Variants in RNPEP observed in about 807,000 individuals in gnomAD.
RNPEP encodes the protein arginyl aminopeptidase.
A neutral mutation model predicts 70.1 loss-of-function variants in RNPEP; 57 were observed. The observed-to-expected ratio is 0.81, with a 90% CI of 0.66 to 1.01. The LOEUF is 1.01. Among genes scored for constraint, RNPEP ranks in the 50% least tolerant of loss-of-function variants. The pLI is 0.00. For missense variants in RNPEP, 787 were observed against 852.4 expected, an observed-to-expected ratio of 0.92 and a Z score of 0.96; for synonymous variants, 335 against 357.4, an observed-to-expected ratio of 0.94 and a Z score of 0.71.
chr1:201,994,672 T>C (rs1332801521), intron 3 of RNPEP, among the ~76,000 whole-genome samples: 3 of 151,144 alleles, frequency 2.0e-5, no homozygotes, highest in African/African-American at 7.3e-5. Flanking sequence ...CAGTCTCTTT[T>C]TTTTTTTTTT....
rs1329482150 is a variant in RNPEP, at chr1:201,989,423, G to A, written c.629G>A (p.Trp210Ter). The A allele has an allele frequency of 6.2e-7, 1 of 1,614,196 alleles. No homozygotes were observed. The highest frequency in any genetic ancestry group is 1.7e-5 in the Admixed American group (1 of 60,014). Residue 210 changes from tryptophan to a stop codon, truncating the protein, a stop_gained, in exon 3 of 11, where the codon TGG (tryptophan) becomes TAG (stop). Coordinates refer to ENST00000295640, the MANE Select transcript of RNPEP (RefSeq NM_020216.4). LOFTEE classifies it high-confidence loss of function. ...ACAGCTGTGATGAGTGCTAGCACCT[G>A]GGAGAAGAGAGGTCCAAATAAGTTC... The part of the protein sequence containing the change: ...GFTAVMSAST[W>*]EKRGPNKFFF...
In RNPEP at chr1:201,983,096, G is replaced by C; in HGVS notation, c.430G>C (p.Val144Leu). The C allele has an allele frequency of 3.3e-6, 5 of 1,499,944 alleles. No homozygotes were observed. The highest frequency in any genetic ancestry group is 4.4e-6 in the Non-Finnish European group (5 of 1,133,542). 92.9% of individuals were successfully genotyped at this position (1,499,944 alleles called of 1,614,324 possible). The change falls in exon 1 of 11, where the codon GTC (valine) becomes CTC (leucine). Residue 144 changes from valine (V) to leucine (L), a missense_variant. Val to Leu is a conservative substitution (Grantham distance 32). Coordinates refer to ENST00000295640, the MANE Select transcript of RNPEP (RefSeq NM_020216.4). Reference protein sequence around the residue: ...ERLQVLLTYRVGEGPGVCWLA... With the variant: ...ERLQVLLTYRLGEGPGVCWLA... ...CCTCCAGGTGCTGCTCACCTACCGCGTCGGGGAGGGACCCGGGGTGAGTGC... is the reference window on the plus strand; with the variant it reads ...CCTCCAGGTGCTGCTCACCTACCGCCTCGGGGAGGGACCCGGGGTGAGTGC...
Position 202,004,401 on chromosome 1 carries a change from C to A in RNPEP, c.1699C>A (p.Arg567=). Reference sequence around the variant, plus strand: ...CACATACCCAAGTATCTCAAATGCCCGGAATGCAGAGCTCCGGCTGCGATG... The same window carrying A: ...CACATACCCAAGTATCTCAAATGCCAGGAATGCAGAGCTCCGGCTGCGATG... ...GDTYPSISNA[R]NAELRLRWGQ... Residue 567 remains arginine, a synonymous_variant, in exon 10 of 11, where the codon CGG becomes AGG. Transcript: ENST00000295640. The A allele has an allele frequency of 6.2e-7, 1 of 1,614,112 alleles. No individual in the cohort carries two copies.
intron 3 of RNPEP, among the ~76,000 whole-genome samples, chr1:201,990,190 C>G (rs979345563): frequency 1.3e-5 from 2 of 152,186 alleles, no homozygotes; most frequent in Non-Finnish European, 2.9e-5. Flanking sequence ...AAATGCCCTT[C>G]TAGCAGCTAT....
In RNPEP at chr1:201,989,456, A is replaced by G. The variant is rs772491018; in HGVS notation, c.662A>G (p.Gln221Arg). 1.9e-6 allele frequency: 3 copies of G among 1,614,202 alleles called. No homozygotes were observed. In the South Asian group the frequency reaches 3.3e-5, roughly 18 times the overall value. ...AGAGGTCCAAATAAGTTCTTCTTCC[A>G]GATGTGTCAGCCCATCCCCTCCTAT... ...EKRGPNKFFF[Q>R]MCQPIPSYLI... The change falls in exon 3 of 11, where the codon CAG (glutamine) becomes CGG (arginine). Residue 221 changes from glutamine to arginine, a missense_variant. Gln to Arg is a conservative substitution (Grantham distance 43). Transcript: ENST00000295640.
intron 4 of RNPEP, among the ~76,000 whole-genome samples, chr1:201,996,659 A>T (rs974262804): frequency 1.6e-4 from 25 of 151,892 alleles, no homozygotes; most frequent in Admixed American, 1.4e-3. Context: ...ACACTCAGCT[A>T]ATTTTTGTAT....
chr1:201,982,822 C>G lies in RNPEP; in HGVS notation c.156C>G (p.Pro52=), dbSNP rs1558256647. 2.2e-6 allele frequency: 3 copies of G among 1,333,458 alleles called. No individual in the cohort carries two copies. Among genetic ancestry groups the G allele is most frequent in the East Asian group, 3.1e-5 (1 of 32,192 alleles). The allele number at this position is 1,333,458 out of a possible 1,614,324, so 82.6% of individuals were successfully genotyped here. A position where few individuals can be genotyped will look rare whatever the true frequency, so the allele number is the denominator to read the frequency against. ...DLRAEFGPPG[P]GAGSRGLSGT... ...GGGCTGAGTTCGGGCCTCCAGGGCC[C>G]GGCGCAGGGAGCCGGGGGCTGAGCG... Residue 52 remains proline, a synonymous_variant, in exon 1 of 11, where the codon CCC becomes CCG. Coordinates refer to ENST00000295640, the MANE Select transcript of RNPEP (RefSeq NM_020216.4).
chr1:201,987,611 T>A (rs1362669741), intron 1 of RNPEP, among the ~76,000 whole-genome samples: 3 of 151,616 alleles, frequency 2.0e-5, no homozygotes, highest in African/African-American at 7.3e-5. Flanking sequence ...CTAATTTTTG[T>A]ATTTTTAGTA....
chr1:201,989,204 T>C, intron 2 of RNPEP, among the ~76,000 whole-genome samples, 160 bp downstream of exon 2: 1 of 152,268 alleles, frequency 6.6e-6, no homozygotes, highest in Non-Finnish European at 1.5e-5. Context: ...AAGTTGTATG[T>C]AGCCTTCCTC....
chr1:202,002,959 A>C (rs1683890032), intron 8 of RNPEP, among the ~76,000 whole-genome samples: 1 of 152,128 alleles, frequency 6.6e-6, no homozygotes, highest in Non-Finnish European at 1.5e-5. Flanking sequence ...CGGTAGGAGA[A>C]TGTGCACGTG....
rs1193958961 is a variant in RNPEP at position 201,983,062 on chromosome 1, C to G, written c.396C>G (p.Ala132=). 3 of 1,527,576 alleles carry G rather than the reference C, an allele frequency of 2.0e-6. No homozygotes were observed. The highest frequency in any genetic ancestry group is 2.6e-5 in the East Asian group (1 of 37,940). 94.6% of individuals were successfully genotyped at this position (1,527,576 alleles called of 1,614,324 possible). ...LCVSFPQPCR[A]AERLQVLLTY... is the part of the protein sequence containing the mutation. ...TGTCCTTCCCGCAGCCCTGCCGCGC[C>G]GCCGAGCGCCTCCAGGTGCTGCTCA... is the stretch of plus-strand genomic sequence containing the variant. The change falls in exon 1 of 11, where the codon GCC becomes GCG. Residue 132 remains alanine, a synonymous_variant. Coordinates refer to ENST00000295640, the MANE Select transcript of RNPEP (RefSeq NM_020216.4).
intron 10 of RNPEP, among the ~76,000 whole-genome samples, chr1:202,004,740 A>G (rs559514744): frequency 6.6e-5 from 10 of 152,362 alleles, no homozygotes; most frequent in African/African-American, 2.4e-4. Flanking sequence ...GACCCCAGGG[A>G]AAAAAGCTGG....
At position 201,999,993 on chromosome 1, in the gene RNPEP, G is replaced by T. The variant is rs750627506; in HGVS notation, c.1182G>T (p.Lys394Asn). The T allele has an allele frequency of 3.1e-6, 5 of 1,613,754 alleles. No individual in the cohort carries two copies. The East Asian group carries it at 8.9e-5, about 29-fold the overall frequency. The change falls in exon 6 of 11, where the codon AAG becomes AAT. Residue 394 changes from lysine to asparagine, a missense_variant. Coordinates refer to ENST00000295640, the MANE Select transcript of RNPEP (RefSeq NM_020216.4). Reference sequence around the variant, plus strand: ...CTGGAGAGGAAAACCCACTCAACAAGCTCCGCGTGAAGATTGAACCAGGTC... The same window carrying T: ...CTGGAGAGGAAAACCCACTCAACAATCTCCGCGTGAAGATTGAACCAGGTC... ...DITGEENPLN[K>N]LRVKIEPGVD...
chr1:201,983,892 T>C (rs987859107), intron 1 of RNPEP: 33 of 992,042 alleles, frequency 3.3e-5, no homozygotes, highest in South Asian at 4.4e-5. Flanking sequence ...CAGGTAGAGT[T>C]GGTTGCAAGT....
chr1:202,002,506 A>G (rs988380299), intron 8 of RNPEP, among the ~76,000 whole-genome samples: 2 of 152,150 alleles, frequency 1.3e-5, no homozygotes, highest in Non-Finnish European at 2.9e-5. Flanking sequence ...AAAAAACGAA[A>G]AATGTCCTGT....
intron 3 of RNPEP, among the ~76,000 whole-genome samples, chr1:201,995,204 T>G (rs1334541321): frequency 6.6e-6 from 1 of 152,222 alleles, no homozygotes; most frequent in Non-Finnish European, 1.5e-5. Context: ...GAAAGGATGA[T>G]GCATTGAACA....
rs779332651 is a variant in RNPEP, at chr1:201,997,343, G to A, written c.879G>A (p.Pro293=). 80 of 1,613,954 alleles carry A rather than the reference G, an allele frequency of 5.0e-5. No homozygotes were observed. In the Admixed American group the frequency reaches 1.0e-3, roughly 21 times the overall value. ...GGTATGACTTGCTCTTCATGCCACC[G>A]TCCTTTCCATTTGGAGGAATGGAGA... The part of the protein sequence containing the change: ...WGRYDLLFMP[P]SFPFGGMENP... The change falls in exon 5 of 11, where the codon CCG becomes CCA. Residue 293 remains proline, a synonymous_variant. Transcript: ENST00000295640.
chr1:201,997,205 T>G, intron 4 of RNPEP, 114 bp from the exon 5 acceptor site: 2 of 788,120 alleles, frequency 2.5e-6, no homozygotes, highest in Non-Finnish European at 4.4e-6. Flanking sequence ...AGTCGTACTC[T>G]GCCTGTTTAG....
chr1:202,005,456 AGC>A lies in RNPEP; in HGVS notation c.1795-101_1795-100del, dbSNP rs1684019103. ...CAGCTGTGATGCCCACATCCCTTTT[AGC>A]ACCTAGCCATGGCTGCTGTTAGACT... On this transcript the variant is annotated intron_variant, in intron 10 of 10. Transcript: ENST00000295640. 3.0e-6 allele frequency: 4 copies of A among 1,346,986 alleles called. No individual in the cohort carries two copies. In the Admixed American group the frequency reaches 7.4e-5, roughly 25 times the overall value. The allele number at this position is 1,346,986 out of a possible 1,614,324, so 83.4% of individuals were successfully genotyped here.
Sources: allele counts gnomAD v4.1 joint callset (sites outside exome capture counted in the v4.1 genomes callset), GRCh38; gene constraint gnomAD v4.1.1; transcripts MANE v1.5; gene names NCBI Gene and HGNC (gene_info 2026-07-23, HGNC 2026-07-21).